Variants in NRXN1 observed in about 807,000 individuals in gnomAD.
NRXN1 encodes the protein neurexin 1, also known as neurexin-1.
A neutral mutation model predicts 150.9 loss-of-function variants in NRXN1; 39 were observed. The observed-to-expected ratio is 0.26, with a 90% confidence interval of 0.20 to 0.34. The LOEUF (loss-of-function observed/expected upper bound fraction) is 0.34. NRXN1 is among the 10% of genes least tolerant of loss of function. NRXN1 has a pLI of 1.00. For synonymous variants in NRXN1, 924 were observed against 757.0 expected (o/e 1.22, Z -3.62); for missense variants, 1,815 against 1,949.9 (o/e 0.93, Z 1.30).
At chr2:50,872,026 G>GA (rs925447894) in intron 5 of NRXN1, among the ~76,000 whole-genome samples, 2 of 151,550 alleles carry the variant, frequency 1.3e-5, no homozygotes, top group Non-Finnish European at 2.9e-5. Flanking sequence ...GAAAGTGTAA[G>GA]AAAAAAAATT....
At chr2:50,402,388 A>G (rs1247416353) in intron 17 of NRXN1, among the ~76,000 whole-genome samples, 1 of 152,070 alleles carries the variant, frequency 6.6e-6, no homozygotes, top group Non-Finnish European at 1.5e-5. Flanking sequence ...CCTTTGCTTC[A>G]ATGTAAAGTA....
At chr2:50,192,089 A>G (rs1018890120) in intron 18 of NRXN1, among the ~76,000 whole-genome samples, 9 of 152,140 alleles carry the variant, frequency 5.9e-5, no homozygotes, top group Admixed American at 2.6e-4. Context: ...TAAAAATATT[A>G]TATATCCTAT....
In NRXN1 at chr2:49,993,521, C is replaced by T. The variant is rs536957833; in HGVS notation, c.4129-49730G>A. On this transcript the variant is annotated intron_variant, in intron 21 of 22. Coordinates refer to ENST00000401669, the MANE Select transcript of NRXN1 (RefSeq NM_001330078.2). ...TATTTGTCCAAATCCACAGAATGTA[C>T]GACATTCATGTAACCTCTGGCCTTT... Among the ~76,000 whole-genome samples the T allele has an allele frequency of 4.1e-4, 62 of 152,194 alleles. 1 individual carries two copies. The highest frequency in any genetic ancestry group is 1.3e-3 in the African/African-American group (56 of 41,524).
At chr2:50,713,612 T>A (rs1488407172) in intron 5 of NRXN1, among the ~76,000 whole-genome samples, 1 of 152,118 alleles carries the variant, frequency 6.6e-6, no homozygotes, top group Non-Finnish European at 1.5e-5. Flanking sequence ...TAATGTCCCT[T>A]CTACTTCCAC....
chr2:50,776,647 T>TACAC (rs1703678670), intron 5 of NRXN1, among the ~76,000 whole-genome samples: 1 of 136,468 alleles, frequency 7.3e-6, no homozygotes, highest in Non-Finnish European at 1.7e-5. Context: ...TATATATATA[T>TACAC]ATACACATAC....
chr2:50,365,713 C>T (rs1329940398), intron 17 of NRXN1, among the ~76,000 whole-genome samples: 1 of 151,968 alleles, frequency 6.6e-6, no homozygotes, highest in African/African-American at 2.4e-5. Context: ...ATTTTAATTG[C>T]CTTTTTCCCG....
At chr2:50,522,842 C>A (rs2092832170) in intron 12 of NRXN1, among the ~76,000 whole-genome samples, 2 of 147,428 alleles carry the variant, frequency 1.4e-5, no homozygotes, top group Non-Finnish European at 3.0e-5. Context: ...AGCAATTCTC[C>A]TGCCTCAGCC....
At chr2:51,027,401 A>T in intron 2 of NRXN1, 101 bp downstream of exon 2, 2 of 1,241,838 alleles carry the variant, frequency 1.6e-6, no homozygotes, top group Non-Finnish European at 2.1e-6. Flanking sequence ...GAACTGCCAC[A>T]CGTTTGCCAA....
intron 17 of NRXN1, among the ~76,000 whole-genome samples, chr2:50,459,941 C>T (rs2087991302): frequency 6.6e-6 from 1 of 152,022 alleles, no homozygotes; most frequent in African/African-American, 2.4e-5. Flanking sequence ...TGTGTTGCTA[C>T]AGATGGAAGT....
intron 18 of NRXN1, among the ~76,000 whole-genome samples, chr2:50,119,323 C>T (rs1252291044): frequency 6.7e-6 from 1 of 150,196 alleles, no homozygotes; most frequent in Non-Finnish European, 1.5e-5. Context: ...GGACACATTT[C>T]CTGCCAAATG....
chr2:49,969,090 T>G (rs1016164437), intron 21 of NRXN1, among the ~76,000 whole-genome samples: 1 of 152,152 alleles, frequency 6.6e-6, no homozygotes, highest in Non-Finnish European at 1.5e-5. Flanking sequence ...AGAAACCTCT[T>G]GGCAAGTCCA....
intron 18 of NRXN1, chr2:50,199,338 ACCAGG>A (rs2061995145): frequency 6.6e-6 from 1 of 152,044 alleles, no homozygotes; most frequent in African/African-American, 2.4e-5. Flanking sequence ...ATATTTTGAA[ACCAGG>A]TTTGCTTCTG....
chr2:49,995,485 A>G (rs547947750), intron 21 of NRXN1, among the ~76,000 whole-genome samples: 1 of 152,198 alleles, frequency 6.6e-6, no homozygotes, highest in South Asian at 2.1e-4. Context: ...AGTAGACCTT[A>G]AAGATAGGAA....
intron 8 of NRXN1, among the ~76,000 whole-genome samples, chr2:50,581,804 G>C (rs892028087): frequency 1.3e-5 from 2 of 152,108 alleles, no homozygotes. Context: ...ATCTTTAAGA[G>C]CTCAAATAAA....
intron 21 of NRXN1, among the ~76,000 whole-genome samples, chr2:49,961,522 GAA>G (rs1296322889): frequency 6.6e-6 from 1 of 151,850 alleles, no homozygotes; most frequent in Non-Finnish European, 1.5e-5. Context: ...GATCTAAAAA[GAA>G]AAACAACCCA....
intron 8 of NRXN1, among the ~76,000 whole-genome samples, chr2:50,580,573 A>C (rs566110816): frequency 1.4e-4 from 22 of 152,340 alleles, no homozygotes; most frequent in Non-Finnish European, 2.5e-4. Flanking sequence ...TCTCCAAAAG[A>C]TGCTGGAACA....
chr2:49,966,853 G>A (rs1293839978), intron 21 of NRXN1, among the ~76,000 whole-genome samples: 1 of 152,198 alleles, frequency 6.6e-6, no homozygotes, highest in East Asian at 1.9e-4. Context: ...AACCAAAAGA[G>A]AAAAGGAGAT....
chr2:50,443,084 G>C (rs2086103287), intron 17 of NRXN1, among the ~76,000 whole-genome samples: 2 of 152,082 alleles, frequency 1.3e-5, no homozygotes, highest in Non-Finnish European at 2.9e-5. Context: ...AACTTTCACA[G>C]AGCTTGGCTG....
At chr2:49,970,079 A>G (rs1677682939) in intron 21 of NRXN1, 1 of 152,142 alleles carries the variant, frequency 6.6e-6, no homozygotes. Flanking sequence ...CATGATAAAT[A>G]GTTTTTGTCT....
Sources: gnomAD v4.1 joint callset for allele counts (sites outside exome capture counted in the v4.1 genomes callset) on GRCh38, gnomAD v4.1.1 for gene constraint, MANE v1.5 for transcripts, NCBI Gene and HGNC (gene_info 2026-07-23, HGNC 2026-07-21) for gene names.